UIMC1: variants seen among roughly 807,000 people sequenced by gnomAD.
UIMC1 encodes the protein BRCA1-A complex subunit RAP80.
A neutral mutation model predicts 84.9 loss-of-function variants in UIMC1; 42 were observed. The observed-to-expected ratio is 0.49, with a 90% CI of 0.39 to 0.64. The LOEUF is 0.64. UIMC1 is among the 30% of genes least tolerant of loss of function. The pLI is 0.00. For missense variants in UIMC1, 825 were observed against 847.6 expected, an observed-to-expected ratio of 0.97 and a Z score of 0.33; for synonymous variants, 281 against 293.0, an observed-to-expected ratio of 0.96 and a Z score of 0.42.
intron 10 of UIMC1, among the ~76,000 whole-genome samples, chr5:176,922,868 A>G (rs1436445739): frequency 2.0e-5 from 3 of 152,252 alleles, no homozygotes; most frequent in African/African-American, 7.2e-5. Flanking sequence ...GTAAAAGTGC[A>G]CCTCTTAAGA....
intron 1 of UIMC1, among the ~76,000 whole-genome samples, chr5:177,001,822 C>A (rs551823192): frequency 6.6e-6 from 1 of 150,956 alleles, no homozygotes; most frequent in South Asian, 2.1e-4. Context: ...AGGTAGCAGG[C>A]GCCTGCAGTC....
intron 1 of UIMC1, among the ~76,000 whole-genome samples, chr5:177,013,769 G>T (rs1045100147): frequency 6.6e-6 from 1 of 152,214 alleles, no homozygotes; most frequent in African/African-American, 2.4e-5. Flanking sequence ...CTGGGATGAA[G>T]TCCAAAGGAA....
At chr5:176,924,970 G>A (rs1248188321) in intron 10 of UIMC1, among the ~76,000 whole-genome samples, 4 of 149,424 alleles carry the variant, frequency 2.7e-5, no homozygotes, top group South Asian at 4.2e-4. Context: ...GGCAGAGGCT[G>A]CAATGAGCTG....
chr5:176,949,647 G>A (rs146189913), intron 9 of UIMC1, among the ~76,000 whole-genome samples: 2 of 152,330 alleles, frequency 1.3e-5, no homozygotes, highest in East Asian at 3.9e-4. Context: ...GGTCAATTGT[G>A]ACAGATCAGG....
chr5:176,930,832 TCA>T (rs1762991154), intron 10 of UIMC1, among the ~76,000 whole-genome samples: 1 of 152,210 alleles, frequency 6.6e-6, no homozygotes. Flanking sequence ...TGGACGCTGT[TCA>T]CCAGCAAAGA....
chr5:176,943,271 T>C (rs1427544708), intron 10 of UIMC1, 64 bp downstream of exon 10: 5 of 1,541,260 alleles, frequency 3.2e-6, no homozygotes, highest in South Asian at 1.3e-5. Flanking sequence ...TGCATTGTAA[T>C]GTATAGGATT....
At chr5:176,923,739 C>A (rs1761995524) in intron 10 of UIMC1, among the ~76,000 whole-genome samples, 1 of 150,306 alleles carries the variant, frequency 6.7e-6, no homozygotes, top group African/African-American at 2.5e-5. Context: ...TGGCGGGTGC[C>A]TATAATCCCA....
intron 1 of UIMC1, 108 bp from the exon 2 acceptor site, chr5:176,982,731 G>A (rs961744483): frequency 2.7e-5 from 35 of 1,295,204 alleles, no homozygotes; most frequent in East Asian, 1.8e-4. Context: ...AGATGGTCTC[G>A]CTTTGTTGCC....
intron 6 of UIMC1, among the ~76,000 whole-genome samples, chr5:176,966,909 C>T (rs942897395): frequency 6.6e-6 from 1 of 152,056 alleles, no homozygotes; most frequent in Non-Finnish European, 1.5e-5. Flanking sequence ...AAAGGAAATA[C>T]AAATGGGTCT....
At chr5:176,994,170 C>T (rs1475387453) in intron 1 of UIMC1, among the ~76,000 whole-genome samples, 2 of 151,888 alleles carry the variant, frequency 1.3e-5, no homozygotes, top group Non-Finnish European at 2.9e-5. Context: ...CCAAAAATTA[C>T]ACTCCAGCCT....
At chr5:176,911,845 A>G (rs1408045217) in intron 10 of UIMC1, among the ~76,000 whole-genome samples, 1 of 152,196 alleles carries the variant, frequency 6.6e-6, no homozygotes, top group Non-Finnish European at 1.5e-5. Flanking sequence ...TGCAGTGAGA[A>G]AACTGTGGCT....
Position 176,908,676 on chromosome 5 carries a change from G to T in UIMC1, c.1695C>A (p.Leu565=). ...CTCTAAATGGGACCAGGGATTTACA[G>T]AGGTAACACTTCTCATTCCTATCCA... ...LDIDKNEKCY[L]CKSLVPFREY... The change falls in exon 12 of 15, where the codon CTC becomes CTA. Residue 565 remains leucine (L), a synonymous_variant. Transcript: ENST00000511320. The T allele has an allele frequency of 6.2e-7, 1 of 1,613,614 alleles. No homozygotes were observed. The highest frequency in any genetic ancestry group is 8.5e-7 in the Non-Finnish European group (1 of 1,179,684).
Position 176,938,951 on chromosome 5 carries a change from TA to T in UIMC1, c.1597+4383del, listed in dbSNP as rs558223904. Among the ~76,000 whole-genome samples the T allele has an allele frequency of 2.3e-3, 331 of 143,688 alleles. 1 individual carries two copies. Among genetic ancestry groups the T allele is most frequent in the African/African-American group, 2.7e-3 (107 of 39,320 alleles). The allele number at this position is 143,688 out of a possible 152,430, so 94.3% of individuals were successfully genotyped here. On this transcript the variant is annotated intron_variant, in intron 10 of 14. Coordinates refer to ENST00000511320, the MANE Select transcript of UIMC1 (RefSeq NM_001199298.2). ...AAGCTTCATAAGGCCTAGCACCATT[TA>T]AAAAAAAAAAAAGTGCAATGCCAGG...
At chr5:176,906,799 A>C (rs1759445984) in intron 13 of UIMC1, among the ~76,000 whole-genome samples, 1 of 152,262 alleles carries the variant, frequency 6.6e-6, no homozygotes, top group Non-Finnish European at 1.5e-5. Flanking sequence ...CATCTAGTTT[A>C]CTGTGCCTGT....
chr5:176,908,426 GGAGGGAGAA>G, intron 12 of UIMC1, 88 bp downstream of exon 12: 1 of 1,211,942 alleles, frequency 8.3e-7, no homozygotes, highest in East Asian at 2.6e-5. Flanking sequence ...AGGGAAGAGG[GGAGGGAGAA>G]GAGGGAAAAG....
intron 1 of UIMC1, among the ~76,000 whole-genome samples, chr5:176,996,221 A>C (rs572633140): frequency 1.3e-5 from 2 of 152,300 alleles, no homozygotes; most frequent in East Asian, 1.9e-4. Flanking sequence ...TACCTGTATG[A>C]AACTAGAAAA....
At chr5:176,918,679 G>A (rs1761326534) in intron 10 of UIMC1, among the ~76,000 whole-genome samples, 2 of 152,036 alleles carry the variant, frequency 1.3e-5, no homozygotes, top group African/African-American at 4.8e-5. Flanking sequence ...AGCCCCACTA[G>A]GACATCTAAT....
intron 13 of UIMC1, among the ~76,000 whole-genome samples, chr5:176,906,791 T>C (rs2149384477): frequency 6.6e-6 from 1 of 152,362 alleles, no homozygotes; most frequent in Middle Eastern, 3.4e-3. Context: ...TGTCTGCACA[T>C]CTAGTTTACT....
intron 1 of UIMC1, among the ~76,000 whole-genome samples, chr5:177,002,661 C>T (rs944576374): frequency 6.6e-6 from 1 of 152,036 alleles, no homozygotes; most frequent in Non-Finnish European, 1.5e-5. Flanking sequence ...ATCAACCGGG[C>T]GTAGTGGCAC....
Sources: gnomAD v4.1 joint callset for allele counts (sites outside exome capture counted in the v4.1 genomes callset) on GRCh38, gnomAD v4.1.1 for gene constraint, MANE v1.5 for transcripts, NCBI Gene and HGNC (gene_info 2026-07-23, HGNC 2026-07-21) for gene names.